ATG5: variants seen among roughly 807,000 people sequenced by gnomAD.
ATG5 encodes the protein autophagy protein 5.
In ATG5, 14 loss-of-function variants were observed where a neutral mutation model predicts 36.5. The ratio of observed to expected loss-of-function variants is 0.38; its 90% CI spans 0.25 to 0.60. The LOEUF (loss-of-function observed/expected upper bound fraction) is 0.60, where lower values mean the gene tolerates loss of function less well. ATG5 is among the 20% of genes least tolerant of loss of function. The probability of loss-of-function intolerance (pLI) is 0.60; values close to 1 mark genes in which losing one functional copy is unlikely to be tolerated. For missense variants in ATG5, 195 were observed against 326.7 expected, an observed-to-expected ratio of 0.60 and a Z score of 3.11; for synonymous variants, 95 against 101.5, an observed-to-expected ratio of 0.94 and a Z score of 0.38.
intron 3 of ATG5, among the ~76,000 whole-genome samples, chr6:106,295,338 A>G (rs1769877264): frequency 6.6e-6 from 1 of 152,204 alleles, no homozygotes; most frequent in Non-Finnish European, 1.5e-5. Flanking sequence ...AAGTGACACC[A>G]TATTGCTTTC....
At chr6:106,198,651 C>T (rs1412438141) in intron 7 of ATG5, among the ~76,000 whole-genome samples, 1 of 152,064 alleles carries the variant, frequency 6.6e-6, no homozygotes, top group African/African-American at 2.4e-5. Context: ...GTGGCAGGCA[C>T]CTGTAATCCC....
intron 1 of ATG5, among the ~76,000 whole-genome samples, chr6:106,321,801 T>A (rs1771085985): frequency 6.6e-6 from 1 of 152,180 alleles, no homozygotes; most frequent in African/African-American, 2.4e-5. Context: ...CTCCTGCCCC[T>A]CCCCACATTG....
chr6:106,264,677 A>G (rs1381613453), intron 5 of ATG5, among the ~76,000 whole-genome samples: 2 of 152,088 alleles, frequency 1.3e-5, no homozygotes, highest in Non-Finnish European at 2.9e-5. Flanking sequence ...AGACAGTGGG[A>G]GCCAATATAT....
intron 3 of ATG5, among the ~76,000 whole-genome samples, chr6:106,301,109 C>T (rs1031481214): frequency 2.0e-5 from 3 of 152,018 alleles, no homozygotes; most frequent in Non-Finnish European, 4.4e-5. Context: ...TAATAAGAAA[C>T]TTCACCCCTT....
At position 106,293,116 on chromosome 6, in the gene ATG5, A is replaced by G; in HGVS notation, c.237-10T>C. On this transcript the variant is annotated splice_polypyrimidine_tract_variant and intron_variant, in intron 3 of 7. Transcript: ENST00000369076. ...ACCAATTGGATAATGCCTAAAAATGAAACAGTATATTTTGAGAAAATAAAT... is the reference window on the plus strand; with the variant it reads ...ACCAATTGGATAATGCCTAAAAATGGAACAGTATATTTTGAGAAAATAAAT... The G allele has an allele frequency of 1.9e-6, 3 of 1,606,822 alleles. No individual in the cohort carries two copies. Among genetic ancestry groups the G allele is most frequent in the Non-Finnish European group, 2.6e-6 (3 of 1,173,960 alleles).
At chr6:106,316,373 TCA>T in intron 1 of ATG5, 107 bp from the exon 2 acceptor site, 1 of 376,754 alleles carries the variant, frequency 2.7e-6, no homozygotes, top group Non-Finnish European at 4.7e-6. Flanking sequence ...ATTATCCACT[TCA>T]AAAAAAAAAA....
At chr6:106,204,909 C>A (rs1032763918) in intron 6 of ATG5, among the ~76,000 whole-genome samples, 1 of 152,058 alleles carries the variant, frequency 6.6e-6, no homozygotes, top group South Asian at 2.1e-4. Flanking sequence ...CAAGTTGAAA[C>A]CAAGAACAAT....
intron 4 of ATG5, among the ~76,000 whole-genome samples, chr6:106,289,448 T>C (rs2114622657): frequency 6.6e-6 from 1 of 151,948 alleles, no homozygotes; most frequent in African/African-American, 2.4e-5. Flanking sequence ...CAGGCCAGGA[T>C]AAGAATAAGT....
At chr6:106,275,863 T>C (rs1168844029) in intron 5 of ATG5, among the ~76,000 whole-genome samples, 2 of 152,216 alleles carry the variant, frequency 1.3e-5, no homozygotes, top group African/African-American at 4.8e-5. Flanking sequence ...AATAAATATG[T>C]TAGGCTTGTG....
In ATG5 at chr6:106,240,237, T is replaced by C. The variant is rs531687564; in HGVS notation, c.573+7913A>G. ...ATTTGATATATATTTATATTTTTTA[T>C]ATAGATATCATAAAAATCAAGATGA... On this transcript the variant is annotated intron_variant, in intron 6 of 7. Transcript: ENST00000369076. 7.3e-5 allele frequency among the ~76,000 whole-genome samples: 11 copies of C among 151,278 alleles called. No homozygotes were observed. The East Asian group carries it at 1.5e-3, about 21-fold the overall frequency.
chr6:106,286,133 C>T (rs776194755), intron 4 of ATG5, among the ~76,000 whole-genome samples: 2 of 152,196 alleles, frequency 1.3e-5, no homozygotes, highest in Non-Finnish European at 2.9e-5. Context: ...GCCAAGCACC[C>T]AGGGAGAACA....
rs71274321 is a variant in ATG5, at chr6:106,323,260, C to CTTTTTT, written c.-59+2260_-59+2265dup. On this transcript the variant is annotated intron_variant, in intron 1 of 7. Transcript: ENST00000369076. ...TTCCGTTTCGCTAAGTGGAAAAGTC[C>CTTTTTT]TTTTTTTTTTTTTTTTTTTTTTTTT... is the stretch of plus-strand genomic sequence containing the variant. 4.5e-4 allele frequency among the ~76,000 whole-genome samples: 29 copies of CTTTTTT among 64,226 alleles called. 3 individuals are homozygous for CTTTTTT. The highest frequency in any genetic ancestry group is 1.8e-3 in the African/African-American group (27 of 15,122). 42.1% of individuals were successfully genotyped at this position (64,226 alleles called of 152,430 possible).
intron 5 of ATG5, among the ~76,000 whole-genome samples, chr6:106,262,856 G>A (rs186329115): frequency 2.4e-4 from 37 of 152,356 alleles, no homozygotes; most frequent in Middle Eastern, 3.4e-3. Context: ...CTGCAGATCA[G>A]GAGATTCCCT....
At chr6:106,249,012 G>C (rs1002410000) in intron 5 of ATG5, among the ~76,000 whole-genome samples, 1 of 152,084 alleles carries the variant, frequency 6.6e-6, no homozygotes, top group Non-Finnish European at 1.5e-5. Flanking sequence ...TTTTAAAAAA[G>C]CTTTGAAAGA....
chr6:106,202,180 AGGTGCCTTTTGATAC>A, intron 6 of ATG5, 91 bp from the exon 7 acceptor site: 1 of 950,248 alleles, frequency 1.1e-6, no homozygotes, highest in Non-Finnish European at 1.7e-6. Flanking sequence ...TGTTGGCATT[AGGTGCCTTTTGATAC>A]GGTGTTAGCA....
intron 2 of ATG5, among the ~76,000 whole-genome samples, chr6:106,309,620 T>TC (rs374462326): frequency 6.6e-6 from 1 of 152,100 alleles, no homozygotes; most frequent in East Asian, 1.9e-4. Flanking sequence ...AAGCAGTTTT[T>TC]CCCCCACAGG....
intron 5 of ATG5, among the ~76,000 whole-genome samples, chr6:106,257,672 G>C (rs1778852167): frequency 6.6e-6 from 1 of 152,120 alleles, no homozygotes. Context: ...TCTAATTCTT[G>C]TGAGGAATCA....
chr6:106,238,509 C>G (rs565456342), intron 6 of ATG5, among the ~76,000 whole-genome samples: 2 of 152,342 alleles, frequency 1.3e-5, no homozygotes, highest in East Asian at 3.9e-4. Flanking sequence ...AACACACCAG[C>G]TCTCCTGAGC....
intron 4 of ATG5, among the ~76,000 whole-genome samples, chr6:106,290,254 ATTTT>A (rs1780251452): frequency 7.0e-6 from 1 of 143,614 alleles, no homozygotes; most frequent in Non-Finnish European, 1.5e-5. Context: ...ATTTTATTTT[ATTTT>A]ATTTATTTTA....
Sources: allele counts gnomAD v4.1 joint callset (sites outside exome capture counted in the v4.1 genomes callset), GRCh38; gene constraint gnomAD v4.1.1; transcripts MANE v1.5; gene names NCBI Gene and HGNC (gene_info 2026-07-23, HGNC 2026-07-21).